Variants in PARPBP observed in about 807,000 individuals in gnomAD.
The protein encoded by PARPBP is PARP1 binding protein, also known as PCNA-interacting partner.
In PARPBP, 52 loss-of-function variants were observed where a neutral mutation model predicts 50.0. The ratio of observed to expected loss-of-function variants is 1.04; its 90% CI spans 0.83 to 1.31. The LOEUF is 1.31. PARPBP is among the 50% of genes most tolerant of loss of function. The probability of loss-of-function intolerance (pLI) is 0.00; values close to 1 mark genes in which losing one functional copy is unlikely to be tolerated. For synonymous variants in PARPBP, 244 were observed against 232.1 expected (o/e 1.05, Z -0.47); for missense variants, 697 against 672.0 (o/e 1.04, Z -0.41).
intron 2 of PARPBP, among the ~76,000 whole-genome samples, chr12:102,131,929 C>T (rs564254821): frequency 9.2e-5 from 14 of 152,120 alleles, no homozygotes; most frequent in Admixed American, 3.3e-4. Flanking sequence ...TACAGCTGGG[C>T]GCTGTGGCTA....
chr12:102,171,775 A>C (rs1313450233), intron 6 of PARPBP, among the ~76,000 whole-genome samples: 2 of 151,946 alleles, frequency 1.3e-5, no homozygotes, highest in African/African-American at 4.8e-5. Flanking sequence ...AGGCTGAGGC[A>C]GGAGAATGGC....
rs1889538945 is a variant in PARPBP, at chr12:102,178,723, G to A, written c.1137G>A (p.Glu379=). ...ACAAAGCAGAGCTTTTATATGATGA[G>A]GAAAACACAATCCATCATCATGGAA... The part of the protein sequence containing the change: ...TKNKAELLYD[E]ENTIHHHGTS... Residue 379 remains glutamate, a synonymous_variant, in exon 8 of 11, where the codon GAG becomes GAA. Coordinates refer to ENST00000327680, the MANE Select transcript of PARPBP (RefSeq NM_017915.5). The A allele has an allele frequency of 6.2e-7, 1 of 1,612,728 alleles. No individual in the cohort carries two copies. Among genetic ancestry groups the A allele is most frequent in the South Asian group, 1.1e-5 (1 of 90,834 alleles).
chr12:102,164,761 A>G (rs371458226), intron 5 of PARPBP, 153 bp downstream of exon 5: 12 of 679,974 alleles, frequency 1.8e-5, no homozygotes, highest in South Asian at 8.9e-5. Flanking sequence ...ATTTTTTACC[A>G]TATCGTTCAA....
rs1051967384 is a variant in PARPBP at position 102,196,084 on chromosome 12, AC to A, written c.1534del (p.Gln512ArgfsTer40). ...CAGGAAATAAAAGCTCAAAAAGGAA[AC>A]AGGTGGATTTGGATGGTGAAAATAT... Reference protein sequence around the residue: ...QTGNKSSKRKQVDLDGENILC... With the variant: ...QTGNKSSKRKXVDLDGENILC... On this transcript the variant is annotated frameshift_variant, in exon 11 of 11. Coordinates refer to ENST00000327680, the MANE Select transcript of PARPBP (RefSeq NM_017915.5). LOFTEE classifies it low-confidence loss of function (END_TRUNC). 1 of 1,611,972 alleles carries A rather than the reference AC, an allele frequency of 6.2e-7. No homozygotes were observed. The highest frequency in any genetic ancestry group is 8.5e-7 in the Non-Finnish European group (1 of 1,178,710).
At chr12:102,194,655 A>G (rs555455971) in intron 9 of PARPBP, among the ~76,000 whole-genome samples, 5 of 151,954 alleles carry the variant, frequency 3.3e-5, no homozygotes, top group African/African-American at 1.2e-4. Flanking sequence ...TTGAAGATAA[A>G]TGCAAGAGTA....
At chr12:102,122,665 G>T (rs1271128142) in intron 1 of PARPBP, among the ~76,000 whole-genome samples, 1 of 152,194 alleles carries the variant, frequency 6.6e-6, no homozygotes, top group Non-Finnish European at 1.5e-5. Context: ...AAATTATTTT[G>T]AAAGGCTTTT....
chr12:102,124,035 C>G lies in PARPBP; in HGVS notation c.147C>G (p.Asn49Lys). The change falls in exon 2 of 11, where the codon AAC (asparagine) becomes AAG (lysine). Residue 49 changes from asparagine (N) to lysine (K), a missense_variant. Transcript: ENST00000327680. The stretch of plus-strand genomic sequence containing the variant: ...TGCAGCTTTCTATGGCGGAGAACAA[C>G]AAACAGGTTGGTAAACTATATTTGG... ...LALQLSMAENNKQHSGEFTVS... is the reference protein window; with the variant it reads ...LALQLSMAENKKQHSGEFTVS... The G allele has an allele frequency of 3.3e-6, 5 of 1,533,394 alleles. No individual in the cohort carries two copies. The South Asian group carries it at 6.0e-5, about 18-fold the overall frequency. 95.0% of individuals were successfully genotyped at this position (1,533,394 alleles called of 1,614,324 possible). A position where few individuals can be genotyped will look rare whatever the true frequency, so the allele number is the denominator to read the frequency against.
intron 2 of PARPBP, among the ~76,000 whole-genome samples, chr12:102,127,408 A>G (rs926462254): frequency 1.3e-5 from 2 of 152,074 alleles, no homozygotes; most frequent in Non-Finnish European, 2.9e-5. Flanking sequence ...AAAGAAAAAA[A>G]AAAAAGAAAT....
chr12:102,151,954 G>C (rs1435601144), intron 3 of PARPBP: 4 of 607,778 alleles, frequency 6.6e-6, no homozygotes, highest in Non-Finnish European at 1.2e-5. Context: ...GCATCTCAGA[G>C]AAATGCTTTT....
At chr12:102,141,447 A>T (rs1331092626) in intron 2 of PARPBP, among the ~76,000 whole-genome samples, 2 of 152,080 alleles carry the variant, frequency 1.3e-5, no homozygotes, top group Admixed American at 6.5e-5. Flanking sequence ...CCAATTTGCC[A>T]GTCTGTGTCT....
chr12:102,179,759 TC>T (rs1889649890), intron 8 of PARPBP, among the ~76,000 whole-genome samples: 1 of 152,224 alleles, frequency 6.6e-6, no homozygotes, highest in African/African-American at 2.4e-5. Context: ...GTAGATGCTC[TC>T]CAGTTTTAAT....
At position 102,197,348 on chromosome 12, in the gene PARPBP, G is replaced by A. The variant is rs1891404708; in HGVS notation, c.*1057G>A. 1 of 810,050 alleles carries A rather than the reference G, an allele frequency of 1.2e-6. No individual in the cohort carries two copies. The highest frequency in any genetic ancestry group is 1.7e-5 in the African/African-American group (1 of 57,688). The allele number at this position is 810,050 out of a possible 1,614,324, so 50.2% of individuals were successfully genotyped here. The stretch of plus-strand genomic sequence containing the variant: ...AAACACTTTCAGATAAGAGGTGTTT[G>A]CTGGGATGGAAGAACTACCTGGCAT... On this transcript the variant is annotated 3_prime_UTR_variant, in exon 11 of 11. Coordinates refer to ENST00000327680, the MANE Select transcript of PARPBP (RefSeq NM_017915.5).
At chr12:102,164,882 T>G (rs1887979210) in intron 5 of PARPBP, among the ~76,000 whole-genome samples, 1 of 152,208 alleles carries the variant, frequency 6.6e-6, no homozygotes, top group Non-Finnish European at 1.5e-5. Flanking sequence ...AAAACGTTTC[T>G]GTTAAATGTT....
chr12:102,197,477 T>G lies in PARPBP; in HGVS notation c.*1186T>G, dbSNP rs1891414547. The stretch of plus-strand genomic sequence containing the variant: ...CTTTTCAGAGGATTTGTAAGAATCA[T>G]TTAAATTTTCATTGAAATAAACGAC... On this transcript the variant is annotated 3_prime_UTR_variant, in exon 11 of 11. Coordinates refer to ENST00000327680, the MANE Select transcript of PARPBP (RefSeq NM_017915.5). 3 of 1,530,002 alleles carry G rather than the reference T, an allele frequency of 2.0e-6. No homozygotes were observed. The highest frequency in any genetic ancestry group is 2.1e-4 in the Middle Eastern group (1 of 4,748). 94.8% of individuals were successfully genotyped at this position (1,530,002 alleles called of 1,614,324 possible). A position where few individuals can be genotyped will look rare whatever the true frequency, so the allele number is the denominator to read the frequency against.
chr12:102,176,127 C>G (rs1173917787), intron 7 of PARPBP, among the ~76,000 whole-genome samples: 1 of 152,004 alleles, frequency 6.6e-6, no homozygotes, highest in African/African-American at 2.4e-5. Flanking sequence ...GAATTACAGG[C>G]ACCTGCCACC....
At chr12:102,148,198 AT>A (rs76358859) in intron 2 of PARPBP, 31 bp from the exon 3 acceptor site, 144,933 of 651,896 alleles carry the variant, frequency 0.22, 702 homozygotes, top group East Asian at 0.4. Context: ...ACCCAACTTT[AT>A]TTTTTTTTTT....
chr12:102,183,028 A>T (rs186886792), intron 9 of PARPBP, among the ~76,000 whole-genome samples: 94 of 152,308 alleles, frequency 6.2e-4, no homozygotes, highest in Non-Finnish European at 5.3e-4. Flanking sequence ...GAATATAATT[A>T]ATTATAGATT....
chr12:102,193,835 A>T (rs1227364635), intron 9 of PARPBP, among the ~76,000 whole-genome samples: 1 of 152,080 alleles, frequency 6.6e-6, no homozygotes, highest in Non-Finnish European at 1.5e-5. Context: ...ATAGGGATTC[A>T]TGAAGGTAGT....
intron 3 of PARPBP, 41 bp from the exon 4 acceptor site, chr12:102,153,828 C>CTT (rs1565876346): frequency 7.6e-6 from 8 of 1,051,836 alleles, no homozygotes; most frequent in Non-Finnish European, 1.2e-5. Context: ...TTTTTATAGT[C>CTT]AGCATAGCAT....
Sources: gnomAD v4.1 joint callset for allele counts (sites outside exome capture counted in the v4.1 genomes callset) on GRCh38, gnomAD v4.1.1 for gene constraint, MANE v1.5 for transcripts, NCBI Gene and HGNC (gene_info 2026-07-23, HGNC 2026-07-21) for gene names.